The following STXBP5L variants were observed in gnomAD, a reference collection of about 807,000 sequenced individuals.
STXBP5L encodes the protein syntaxin-binding protein 5-like.
STXBP5L carries 65 observed loss-of-function variants against 144.5 expected under a neutral mutation model. The observed-to-expected ratio is 0.45, with a 90% CI of 0.37 to 0.55. The LOEUF (loss-of-function observed/expected upper bound fraction) is 0.55, where lower values mean the gene tolerates loss of function less well. Among genes scored for constraint, STXBP5L ranks in the 20% least tolerant of loss-of-function variants. The pLI is 0.00. For synonymous variants in STXBP5L, 505 were observed against 469.6 expected (o/e 1.08, Z -0.97); for missense variants, 1,298 against 1,405.5 (o/e 0.92, Z 1.22).
Position 120,990,047 on chromosome 3 carries a change from A to G in STXBP5L, c.287+35010A>G, listed in dbSNP as rs536784706. Among the ~76,000 whole-genome samples the G allele has an allele frequency of 2.0e-5, 3 of 152,282 alleles. No individual in the cohort carries two copies. The South Asian group carries it at 6.2e-4, about 32-fold the overall frequency. On this transcript the variant is annotated intron_variant, in intron 3 of 26. Coordinates refer to ENST00000471454, the MANE Select transcript of STXBP5L (RefSeq NM_001308330.2). ...CTGTTTGCAGACGACATGATTGTAT[A>G]TCCAGAAAACCCCATTGTCTCAGCC...
At chr3:121,298,529 G>T (rs931292557) in intron 19 of STXBP5L, among the ~76,000 whole-genome samples, 2 of 152,098 alleles carry the variant, frequency 1.3e-5, no homozygotes, top group African/African-American at 4.8e-5. Flanking sequence ...GCAGACAGAT[G>T]AATGAATAAA....
chr3:121,047,806 C>T (rs887487508), intron 5 of STXBP5L, among the ~76,000 whole-genome samples: 3 of 152,136 alleles, frequency 2.0e-5, no homozygotes, highest in Admixed American at 2.0e-4. Context: ...ATACAGCTTG[C>T]CACTCTGTGC....
At chr3:121,054,267 T>C (rs1346900242) in intron 5 of STXBP5L, among the ~76,000 whole-genome samples, 1 of 152,148 alleles carries the variant, frequency 6.6e-6, no homozygotes, top group Non-Finnish European at 1.5e-5. Context: ...TTATAAATCA[T>C]GCTGCTATAA....
chr3:121,076,219 T>C (rs2042012774), intron 5 of STXBP5L, among the ~76,000 whole-genome samples: 1 of 152,178 alleles, frequency 6.6e-6, no homozygotes. Context: ...TTGGAGTTCC[T>C]CCCTTGGCTT....
chr3:121,347,969 C>T (rs2045076597), intron 20 of STXBP5L, among the ~76,000 whole-genome samples: 1 of 152,158 alleles, frequency 6.6e-6, no homozygotes, highest in Non-Finnish European at 1.5e-5. Flanking sequence ...TGCCTAATTG[C>T]CCTGGCCAGA....
intron 15 of STXBP5L, among the ~76,000 whole-genome samples, chr3:121,254,330 C>G (rs964123778): frequency 6.6e-6 from 1 of 152,154 alleles, no homozygotes; most frequent in Non-Finnish European, 1.5e-5. Context: ...CCTTTCTTGA[C>G]ACAGAGCCAC....
intron 5 of STXBP5L, among the ~76,000 whole-genome samples, chr3:121,067,712 G>T (rs73189309): frequency 0.11 from 16,984 of 152,068 alleles, 1,040 homozygotes; most frequent in Non-Finnish European, 0.14. Context: ...ACCGTTAAAA[G>T]CTCCCACTAT....
intron 2 of STXBP5L, among the ~76,000 whole-genome samples, chr3:120,911,116 A>G (rs1708813182): frequency 6.6e-6 from 1 of 152,112 alleles, no homozygotes; most frequent in African/African-American, 2.4e-5. Flanking sequence ...CAATTCATGT[A>G]TATGACAGTG....
At chr3:121,407,827 G>A (rs1281173404) in intron 23 of STXBP5L, among the ~76,000 whole-genome samples, 2 of 151,892 alleles carry the variant, frequency 1.3e-5, no homozygotes, top group Non-Finnish European at 2.9e-5. Flanking sequence ...CATTGTGAGT[G>A]AAATATATTT....
At chr3:120,990,769 C>G (rs1576591178) in intron 3 of STXBP5L, among the ~76,000 whole-genome samples, 1 of 152,182 alleles carries the variant, frequency 6.6e-6, no homozygotes, top group African/African-American at 2.4e-5. Flanking sequence ...GGAAAACTGG[C>G]TAGCCATATG....
intron 3 of STXBP5L, among the ~76,000 whole-genome samples, chr3:120,991,591 A>T (rs1296488626): frequency 7.2e-5 from 11 of 152,206 alleles, no homozygotes; most frequent in Non-Finnish European, 1.5e-4. Context: ...CAAATGTCCA[A>T]CAATGATAGA....
At chr3:121,230,237 T>A (rs944059996) in intron 11 of STXBP5L, among the ~76,000 whole-genome samples, 2 of 152,224 alleles carry the variant, frequency 1.3e-5, no homozygotes, top group African/African-American at 4.8e-5. Context: ...ATTATAAAAG[T>A]AATGACCTTA....
chr3:121,219,422 C>T (rs1206995163), intron 10 of STXBP5L, among the ~76,000 whole-genome samples: 1 of 152,020 alleles, frequency 6.6e-6, no homozygotes, highest in Non-Finnish European at 1.5e-5. Flanking sequence ...GCATAGGTAG[C>T]ACATGTAAGG....
chr3:121,189,274 T>G (rs1278650395), intron 9 of STXBP5L, among the ~76,000 whole-genome samples: 3 of 152,258 alleles, frequency 2.0e-5, no homozygotes, highest in African/African-American at 7.2e-5. Flanking sequence ...GCTTTTGGTG[T>G]TTTAAACATG....
intron 20 of STXBP5L, among the ~76,000 whole-genome samples, chr3:121,351,283 G>A (rs1314781316): frequency 1.3e-5 from 2 of 152,104 alleles, no homozygotes; most frequent in Admixed American, 6.6e-5. Context: ...GGATATTGGT[G>A]AACAGCAAAT....
chr3:120,996,163 C>G (rs991134995), intron 3 of STXBP5L, among the ~76,000 whole-genome samples: 1 of 151,792 alleles, frequency 6.6e-6, no homozygotes, highest in Non-Finnish European at 1.5e-5. Flanking sequence ...TTTCTGGCTG[C>G]TTTCCATATT....
At chr3:120,956,698 G>T (rs1404982756) in intron 3 of STXBP5L, among the ~76,000 whole-genome samples, 1 of 151,834 alleles carries the variant, frequency 6.6e-6, no homozygotes, top group Non-Finnish European at 1.5e-5. Flanking sequence ...TCCAGAAGAA[G>T]AATTGCTGGA....
chr3:121,123,532 C>T (rs1202072754), intron 7 of STXBP5L, among the ~76,000 whole-genome samples: 2 of 150,748 alleles, frequency 1.3e-5, no homozygotes, highest in African/African-American at 2.4e-5. Flanking sequence ...TGAACATTGC[C>T]TTTATATTTG....
At chr3:120,976,816 C>G (rs1576544741) in intron 3 of STXBP5L, among the ~76,000 whole-genome samples, 1 of 152,164 alleles carries the variant, frequency 6.6e-6, no homozygotes, top group Admixed American at 6.6e-5. Context: ...AGTAGTCATT[C>G]AGGAGCAGGT....
Sources: gnomAD v4.1 joint callset for allele counts (sites outside exome capture counted in the v4.1 genomes callset) on GRCh38, gnomAD v4.1.1 for gene constraint, MANE v1.5 for transcripts, NCBI Gene and HGNC (gene_info 2026-07-23, HGNC 2026-07-21) for gene names.